The following NFIB variants were observed in gnomAD, a reference collection of about 807,000 sequenced individuals.
The protein encoded by NFIB is nuclear factor I B.
NFIB carries 11 observed loss-of-function variants against 61.5 expected under a neutral mutation model. The observed-to-expected ratio is 0.18, with a 90% confidence interval of 0.11 to 0.30. NFIB has a LOEUF of 0.30. Ranked by LOEUF, NFIB falls within the 10% of genes least tolerant of loss-of-function variation. NFIB has a pLI of 1.00. For missense variants in NFIB, 471 were observed against 608.9 expected (o/e 0.77, Z 2.38); for synonymous variants, 260 against 216.5 (o/e 1.20, Z -1.76).
At chr9:14,422,824 T>C in the NFIB span, among the ~76,000 whole-genome samples, 1 of 152,060 alleles carries the variant, frequency 6.6e-6, no homozygotes, top group Non-Finnish European at 1.5e-5. Context: ...CCCTGTGTTG[T>C]GGGAGAAGTT....
chr9:14,338,913 C>G (rs1295764552), intron 1 of NFIB, among the ~76,000 whole-genome samples: 2 of 151,178 alleles, frequency 1.3e-5, no homozygotes, highest in East Asian at 3.9e-4. Context: ...AGTTTTCCGT[C>G]TACTGTCACC....
At chr9:14,204,233 C>T (rs754820386) in intron 2 of NFIB, 80 of 572,652 alleles carry the variant, frequency 1.4e-4, no homozygotes, top group Non-Finnish European at 2.3e-4. Context: ...CTTTTCCCGC[C>T]GTCCACTGCC....
chr9:14,125,536 G>C, intron 7 of NFIB, 96 bp downstream of exon 7: 2 of 1,484,572 alleles, frequency 1.3e-6, no homozygotes, highest in Non-Finnish European at 1.8e-6. Flanking sequence ...AAATATGGTT[G>C]CCATAGCTCT....
intron 2 of NFIB, among the ~76,000 whole-genome samples, chr9:14,257,416 T>G (rs2056327437): frequency 6.6e-6 from 1 of 152,078 alleles, no homozygotes; most frequent in Non-Finnish European, 1.5e-5. Context: ...CCTAGCTCAG[T>G]GCTGAATGAA....
At chr9:14,460,831 T>C in the NFIB span, among the ~76,000 whole-genome samples, 1 of 152,136 alleles carries the variant, frequency 6.6e-6, no homozygotes, top group African/African-American at 2.4e-5. Flanking sequence ...TAGTGTAACA[T>C]ACAAGGCCTT....
At chr9:14,219,901 C>A (rs1231494298) in intron 2 of NFIB, among the ~76,000 whole-genome samples, 1 of 152,208 alleles carries the variant, frequency 6.6e-6, no homozygotes, top group Admixed American at 6.5e-5. Flanking sequence ...AGAATCTACA[C>A]TGGGACTCTT....
At chr9:14,111,310 A>G (rs1213889315) in intron 10 of NFIB, among the ~76,000 whole-genome samples, 6 of 152,190 alleles carry the variant, frequency 3.9e-5, no homozygotes, top group African/African-American at 1.4e-4. Flanking sequence ...GACATTTATC[A>G]TAAGGGATAA....
At chr9:14,453,603 T>C in the NFIB span, among the ~76,000 whole-genome samples, 451 of 152,306 alleles carry the variant, frequency 3.0e-3, 2 homozygotes, top group African/African-American at 0.01. Context: ...GCATCATTAT[T>C]AGTTTACTCA....
intron 1 of NFIB, among the ~76,000 whole-genome samples, chr9:14,379,757 A>G (rs1253038302): frequency 6.6e-6 from 1 of 152,214 alleles, no homozygotes; most frequent in East Asian, 1.9e-4. Flanking sequence ...ATCTTGGCTC[A>G]CTGCAACCTC....
In NFIB at chr9:14,269,851, T is replaced by C. The variant is rs150251018; in HGVS notation, c.562+37138A>G. ...TCAAATGGAGTTATGGCAAGCAAAT[T>C]TGCTTTCTCAGAACTCATAATTTTT... On this transcript the variant is annotated intron_variant, in intron 2 of 10. Coordinates refer to ENST00000380953, the MANE Select transcript of NFIB (RefSeq NM_001190737.2). 3.3e-3 allele frequency among the ~76,000 whole-genome samples: 497 copies of C among 152,238 alleles called. 2 individuals carry two copies. Among genetic ancestry groups the C allele is most frequent in the African/African-American group, 0.011 (472 of 41,554 alleles).
chr9:14,462,124 T>A, the NFIB span, among the ~76,000 whole-genome samples: 1 of 152,220 alleles, frequency 6.6e-6, no homozygotes, highest in Non-Finnish European at 1.5e-5. Flanking sequence ...TTAATATAGG[T>A]GTTTTAAATT....
At chr9:14,336,928 G>A (rs906995914) in intron 1 of NFIB, among the ~76,000 whole-genome samples, 5 of 152,206 alleles carry the variant, frequency 3.3e-5, no homozygotes, top group South Asian at 4.2e-4. Context: ...AAGGGGCCAC[G>A]GACAATATAT....
chr9:14,314,263 C>T (rs2060435684), upstream of NFIB: 1 of 632,714 alleles, frequency 1.6e-6, no homozygotes, highest in Non-Finnish European at 2.0e-6. Context: ...GGAAGAGGCT[C>T]GCGGCGCGTG....
the NFIB span, among the ~76,000 whole-genome samples, chr9:14,459,411 A>C: frequency 6.6e-6 from 1 of 152,180 alleles, no homozygotes; most frequent in Non-Finnish European, 1.5e-5. Context: ...AACCATAAAA[A>C]CCCTAGAAGA....
intron 2 of NFIB, among the ~76,000 whole-genome samples, chr9:14,301,725 T>C (rs1375413426): frequency 6.6e-6 from 1 of 152,132 alleles, no homozygotes; most frequent in Non-Finnish European, 1.5e-5. Context: ...AAATTGTCTG[T>C]TAAAGCTATC....
At chr9:14,108,127 A>G (rs1393146798) in intron 10 of NFIB, among the ~76,000 whole-genome samples, 1 of 152,134 alleles carries the variant, frequency 6.6e-6, no homozygotes, top group Non-Finnish European at 1.5e-5. Context: ...GCCAGCATAC[A>G]TGAAAAGTGA....
At chr9:14,522,927 T>A in the NFIB span, among the ~76,000 whole-genome samples, 3 of 152,158 alleles carry the variant, frequency 2.0e-5, no homozygotes, top group African/African-American at 7.2e-5. Context: ...GTTCTAACAG[T>A]GACTGGAGTG....
At chr9:14,416,580 A>G in the NFIB span, among the ~76,000 whole-genome samples, 3 of 152,084 alleles carry the variant, frequency 2.0e-5, no homozygotes, top group African/African-American at 7.2e-5. Flanking sequence ...TAAAGAAAAA[A>G]TTTTTTACAG....
the NFIB span, among the ~76,000 whole-genome samples, chr9:14,483,415 G>A: frequency 1.3e-5 from 2 of 152,124 alleles, no homozygotes; most frequent in Non-Finnish European, 2.9e-5. Flanking sequence ...TGCTTGGTGA[G>A]GAGGACAAAA....
Sources: gnomAD v4.1 joint callset for allele counts (sites outside exome capture counted in the v4.1 genomes callset) on GRCh38, gnomAD v4.1.1 for gene constraint, MANE v1.5 for transcripts, NCBI Gene and HGNC (gene_info 2026-07-23, HGNC 2026-07-21) for gene names.